Variants in RIC8B observed in about 807,000 individuals in gnomAD.
RIC8B encodes the protein RIC8 guanine nucleotide exchange factor B.
RIC8B carries 16 observed loss-of-function variants against 57.5 expected under a neutral mutation model. The ratio of observed to expected loss-of-function variants is 0.28; its 90% confidence interval spans 0.19 to 0.42. The LOEUF (loss-of-function observed/expected upper bound fraction) is 0.42. RIC8B is among the 10% of genes least tolerant of loss of function. RIC8B has a pLI of 1.00. For synonymous variants in RIC8B, 216 were observed against 250.8 expected (o/e 0.86, Z 1.31); for missense variants, 481 against 677.0 (o/e 0.71, Z 3.21).
At chr12:106,779,948 A>G (rs1011260720) in intron 1 of RIC8B, among the ~76,000 whole-genome samples, 5 of 141,424 alleles carry the variant, frequency 3.5e-5, no homozygotes, top group African/African-American at 1.4e-4. Context: ...CTGGTCTTGA[A>G]CTTCTGGGCC....
intron 8 of RIC8B, among the ~76,000 whole-genome samples, chr12:106,866,520 T>C (rs1950146855): frequency 6.6e-6 from 1 of 152,204 alleles, no homozygotes; most frequent in African/African-American, 2.4e-5. Context: ...CCCACCCGCC[T>C]GTCCCCTTCT....
intron 2 of RIC8B, among the ~76,000 whole-genome samples, chr12:106,803,470 TAACAAGTTGAACTC>T (rs2044847456): frequency 6.6e-6 from 1 of 152,208 alleles, no homozygotes; most frequent in South Asian, 2.1e-4. Flanking sequence ...CCTAGGTTAC[TAACAAGTTGAACTC>T]AATGCTTGTA....
intron 1 of RIC8B, among the ~76,000 whole-genome samples, chr12:106,780,623 T>C (rs1357593551): frequency 6.6e-6 from 1 of 152,258 alleles, no homozygotes; most frequent in Non-Finnish European, 1.5e-5. Context: ...TGTTCCTTTG[T>C]TATACTTTGT....
In RIC8B at chr12:106,814,816, A is replaced by G; in HGVS notation, c.253A>G (p.Thr85Ala). 1.2e-6 allele frequency: 2 copies of G among 1,614,250 alleles called. No individual in the cohort carries two copies. Among genetic ancestry groups the G allele is most frequent in the Non-Finnish European group, 1.7e-6 (2 of 1,180,042 alleles). ...RDKKVLVPVT[T>A]KENMQILLRL... ...CAAAAAGGTTTTAGTTCCTGTGACA[A>G]CTAAGGAAAATATGCAGATACTGCT... Residue 85 changes from threonine to alanine, a missense_variant, in exon 3 of 10, where the codon ACT becomes GCT. By Grantham distance (58) the Thr-to-Ala change is moderately conservative. Coordinates refer to ENST00000392837, the MANE Select transcript of RIC8B (RefSeq NM_001330145.2).
intron 2 of RIC8B, chr12:106,798,107 C>T: frequency 1.4e-6 from 1 of 713,502 alleles, no homozygotes; most frequent in Non-Finnish European, 2.6e-6. Flanking sequence ...AAGAAGATAG[C>T]TGTGTAGTAC....
intron 2 of RIC8B, among the ~76,000 whole-genome samples, chr12:106,808,160 A>G (rs924626214): frequency 6.6e-6 from 1 of 152,126 alleles, no homozygotes; most frequent in African/African-American, 2.4e-5. Flanking sequence ...AATAAAAAAT[A>G]CAGTATAACA....
intron 3 of RIC8B, 82 bp from the exon 4 acceptor site, chr12:106,825,644 G>A (rs930719740): frequency 2.0e-5 from 19 of 952,912 alleles, no homozygotes; most frequent in Non-Finnish European, 1.5e-5. Flanking sequence ...GTTTGGGGTG[G>A]GCAAGAGATG....
chr12:106,800,796 CAA>C (rs753945719), intron 2 of RIC8B, among the ~76,000 whole-genome samples: 12 of 151,890 alleles, frequency 7.9e-5, no homozygotes, highest in Admixed American at 2.0e-4. Context: ...AAGGAAATTC[CAA>C]AGAGATTGTA....
chr12:106,777,004 C>T (rs1055978919), intron 1 of RIC8B, among the ~76,000 whole-genome samples: 1 of 152,192 alleles, frequency 6.6e-6, no homozygotes, highest in Admixed American at 6.5e-5. Flanking sequence ...ACTACAGGTG[C>T]GTGCAACAGC....
At chr12:106,821,275 A>G (rs940586165) in intron 3 of RIC8B, among the ~76,000 whole-genome samples, 2 of 152,254 alleles carry the variant, frequency 1.3e-5, no homozygotes, top group South Asian at 4.1e-4. Context: ...CTTAAATGAT[A>G]GCACTCATCT....
intron 2 of RIC8B, among the ~76,000 whole-genome samples, chr12:106,795,967 T>C (rs1393276799): frequency 2.6e-5 from 4 of 152,120 alleles, no homozygotes; most frequent in African/African-American, 9.7e-5. Flanking sequence ...ACTTACACTT[T>C]GAAAACTGTA....
chr12:106,776,673 G>T (rs1160712304), intron 1 of RIC8B, among the ~76,000 whole-genome samples: 1 of 152,154 alleles, frequency 6.6e-6, no homozygotes, highest in Non-Finnish European at 1.5e-5. Flanking sequence ...GCCAGGTGCT[G>T]TCAGAGCTTA....
At chr12:106,831,722 G>T (rs1333709189) in intron 4 of RIC8B, among the ~76,000 whole-genome samples, 37 of 152,154 alleles carry the variant, frequency 2.4e-4, no homozygotes, top group Admixed American at 2.4e-3. Flanking sequence ...AATAAATTGG[G>T]CAAAATGCTG....
intron 3 of RIC8B, among the ~76,000 whole-genome samples, chr12:106,821,196 T>A (rs1051050288): frequency 2.0e-5 from 3 of 152,196 alleles, no homozygotes; most frequent in Non-Finnish European, 4.4e-5. Flanking sequence ...TTAAATTACT[T>A]AAGGAAAGTC....
intron 2 of RIC8B, among the ~76,000 whole-genome samples, chr12:106,795,207 A>G (rs887164159): frequency 2.6e-5 from 4 of 152,214 alleles, no homozygotes; most frequent in East Asian, 3.8e-4. Flanking sequence ...TTGGATTTGT[A>G]ATTTTTATAG....
intron 5 of RIC8B, 101 bp downstream of exon 5, chr12:106,842,918 G>T: frequency 1.4e-6 from 1 of 699,964 alleles, no homozygotes; most frequent in Non-Finnish European, 2.3e-6. Context: ...TTAAATCTAA[G>T]CTTTTTTTCT....
At chr12:106,797,034 A>G (rs1270339964) in intron 2 of RIC8B, among the ~76,000 whole-genome samples, 3 of 152,236 alleles carry the variant, frequency 2.0e-5, no homozygotes, top group Admixed American at 6.5e-5. Context: ...AAGAACTGGA[A>G]GAAATCAAAA....
chr12:106,871,487 A>AAAC (rs1444010691), intron 9 of RIC8B: 3 of 143,330 alleles, frequency 2.1e-5, no homozygotes, highest in Admixed American at 6.9e-5. Context: ...AAAAAAAAAA[A>AAAC]AAAAAAAAAA....
intron 9 of RIC8B, among the ~76,000 whole-genome samples, chr12:106,884,764 G>A (rs1951098532): frequency 6.6e-6 from 1 of 152,112 alleles, no homozygotes; most frequent in African/African-American, 2.4e-5. Context: ...CTCCTCCCCA[G>A]GAGATTTCAC....
Sources: allele counts gnomAD v4.1 joint callset (sites outside exome capture counted in the v4.1 genomes callset), GRCh38; gene constraint gnomAD v4.1.1; transcripts MANE v1.5; gene names NCBI Gene and HGNC (gene_info 2026-07-23, HGNC 2026-07-21).